The following SMS variants were observed in gnomAD, a reference collection of about 807,000 sequenced individuals.
SMS encodes the protein spermine synthase.
A neutral mutation model predicts 33.0 loss-of-function variants in SMS; 3 were observed. The observed-to-expected ratio is 0.09, with a 90% CI of 0.04 to 0.23. The LOEUF (loss-of-function observed/expected upper bound fraction) is 0.23. Among genes scored for constraint, SMS ranks in the 10% least tolerant of loss-of-function variants. SMS has a pLI of 1.00. For synonymous variants in SMS, 103 were observed against 112.2 expected (o/e 0.92, Z 0.52); for missense variants, 117 against 288.6 (o/e 0.41, Z 4.31).
At chrX:21,945,257 C>T (rs1922131909) in intron 1 of SMS, among the ~76,000 whole-genome samples, 1 of 111,584 alleles carries the variant, frequency 9.0e-6, no homozygotes, top group Non-Finnish European at 1.9e-5. Flanking sequence ...GGTTCATGTC[C>T]ATTAGGGGAA....
rs188959092 is a variant in SMS at position 21,989,535 on chromosome X, A to T, written c.946-3062A>T. Reference sequence around the variant, plus strand: ...CAATATGGCCAATTAGAATTTGCATAGAACAAGCTTGCTGATGTCACAGCC... The same window carrying T: ...CAATATGGCCAATTAGAATTTGCATTGAACAAGCTTGCTGATGTCACAGCC... On this transcript the variant is annotated intron_variant, in intron 9 of 10. Transcript: ENST00000404933. Among the ~76,000 whole-genome samples the T allele has an allele frequency of 2.0e-4, 22 of 112,283 alleles. No homozygotes were observed. In the East Asian group the frequency reaches 4.5e-3, roughly 23 times the overall value.
intron 1 of SMS, among the ~76,000 whole-genome samples, chrX:21,945,662 T>C (rs1325662987): frequency 4.8e-5 from 2 of 42,000 alleles, no homozygotes; most frequent in Non-Finnish European, 7.7e-5. Flanking sequence ...ACAGTCTCGC[T>C]CTGTCGCCCA....
chrX:21,983,487 C>CATAG (rs1418790415), intron 7 of SMS, among the ~76,000 whole-genome samples: 2 of 111,315 alleles, frequency 1.8e-5, no homozygotes, highest in Non-Finnish European at 3.8e-5. Flanking sequence ...GTGTCCCCAG[C>CATAG]ATAGAGCCTC....
intron 4 of SMS, 130 bp downstream of exon 4, chrX:21,972,701 G>A: frequency 2.0e-6 from 1 of 510,563 alleles, no homozygotes; most frequent in Non-Finnish European, 3.5e-6. Context: ...TTGAAGTCAG[G>A]AGTTTGAGAC....
At chrX:21,959,133 A>T (rs1923169162) in intron 1 of SMS, among the ~76,000 whole-genome samples, 1 of 112,358 alleles carries the variant, frequency 8.9e-6, no homozygotes, top group African/African-American at 3.2e-5. Flanking sequence ...AAAGGACTAG[A>T]CATAGGGCTA....
At chrX:21,983,042 TA>T (rs1378685615) in intron 7 of SMS, among the ~76,000 whole-genome samples, 1 of 110,718 alleles carries the variant, frequency 9.0e-6, no homozygotes, top group Non-Finnish European at 1.9e-5. Flanking sequence ...GAACTTTTTT[TA>T]ATTTTTTTTG....
rs937124221 is a variant in SMS, at chrX:21,983,689, G to C, written c.751-615G>C. On this transcript the variant is annotated intron_variant, in intron 7 of 10. Transcript: ENST00000404933. ...TTAATAGTTTGAGTAAGGTGCAAAA[G>C]TGAATCCATAAACAATGAAGTCATT... 2.7e-5 allele frequency among the ~76,000 whole-genome samples: 3 copies of C among 111,059 alleles called. No individual in the cohort carries two copies. The Admixed American group carries it at 2.9e-4, about 11-fold the overall frequency.
intron 1 of SMS, among the ~76,000 whole-genome samples, chrX:21,965,584 CAAA>C (rs372094407): frequency 3.3e-5 from 2 of 60,626 alleles, no homozygotes; most frequent in Admixed American, 2.3e-4. Flanking sequence ...ACTACAAATA[CAAA>C]AAAAAAAAAA....
intron 9 of SMS, among the ~76,000 whole-genome samples, chrX:21,987,503 T>G (rs1046243098): frequency 5.3e-5 from 6 of 112,176 alleles, no homozygotes; most frequent in African/African-American, 1.9e-4. Context: ...GGCTAATTTT[T>G]GTAGAGATGA....
intron 5 of SMS, among the ~76,000 whole-genome samples, chrX:21,977,474 C>T (rs1419482277): frequency 8.2e-5 from 9 of 110,345 alleles, no homozygotes; most frequent in African/African-American, 2.7e-4. Flanking sequence ...AAAGAAAATG[C>T]ATTTGCATAT....
intron 1 of SMS, among the ~76,000 whole-genome samples, chrX:21,947,908 G>A (rs1326598245): frequency 1.8e-5 from 2 of 110,414 alleles, no homozygotes; most frequent in South Asian, 3.7e-4. Context: ...ATTCTCATGC[G>A]TTAATTGTGT....
intron 10 of SMS, among the ~76,000 whole-genome samples, chrX:21,993,431 A>G (rs905598918): frequency 8.9e-6 from 1 of 112,796 alleles, no homozygotes; most frequent in African/African-American, 3.2e-5. Flanking sequence ...GCCGCAACAC[A>G]GCTGTGGGCT....
intron 2 of SMS, among the ~76,000 whole-genome samples, chrX:21,968,289 G>C (rs732945): frequency 0.14 from 15,486 of 111,682 alleles, 1,659 homozygotes; most frequent in African/African-American, 0.36. Flanking sequence ...ATTACGGTTG[G>C]GGGGAGCCCA....
At chrX:21,947,556 T>C (rs1239849415) in intron 1 of SMS, among the ~76,000 whole-genome samples, 2 of 112,015 alleles carry the variant, frequency 1.8e-5, no homozygotes, top group Non-Finnish European at 3.8e-5. Flanking sequence ...CATTAAGTCC[T>C]GTGGCTTCTG....
intron 1 of SMS, among the ~76,000 whole-genome samples, chrX:21,948,299 G>C (rs1373106510): frequency 9.0e-6 from 1 of 111,162 alleles, no homozygotes; most frequent in Non-Finnish European, 1.9e-5. Flanking sequence ...AGGGATGACA[G>C]CTGTTTAAGA....
At chrX:21,955,132 G>A (rs1336164326) in intron 1 of SMS, among the ~76,000 whole-genome samples, 1 of 111,898 alleles carries the variant, frequency 8.9e-6, no homozygotes, top group Non-Finnish European at 1.9e-5. Context: ...CACTGCGCCC[G>A]GCCTTGAATT....
At chrX:21,951,379 C>T (rs1485371012) in intron 1 of SMS, among the ~76,000 whole-genome samples, 17 of 112,298 alleles carry the variant, frequency 1.5e-4, no homozygotes, top group African/African-American at 5.5e-4. Flanking sequence ...TTCTCCCATT[C>T]TGTAGGTTGC....
chrX:21,975,017 T>A (rs1461650376), intron 4 of SMS, among the ~76,000 whole-genome samples: 1 of 111,347 alleles, frequency 9.0e-6, no homozygotes, highest in Non-Finnish European at 1.9e-5. Flanking sequence ...TGTACTTGAA[T>A]TTATTTTTGT....
At chrX:21,980,771 C>T (rs190561896) in intron 7 of SMS, among the ~76,000 whole-genome samples, 262 of 110,877 alleles carry the variant, frequency 2.4e-3, no homozygotes, top group Non-Finnish European at 4.1e-3. Context: ...AGGAAACTTA[C>T]GTAGGAAATT....
Sources: allele counts gnomAD v4.1 joint callset (sites outside exome capture counted in the v4.1 genomes callset), GRCh38; gene constraint gnomAD v4.1.1; transcripts MANE v1.5; gene names NCBI Gene and HGNC (gene_info 2026-07-23, HGNC 2026-07-21).